MRPL54: variants seen among roughly 807,000 people sequenced by gnomAD.
The protein encoded by MRPL54 is large ribosomal subunit protein mL54.
In MRPL54, 12 loss-of-function variants were observed where a neutral mutation model predicts 15.6. That is an observed-to-expected ratio of 0.77 (90% CI 0.49 to 1.24). The LOEUF is 1.24. Ranked by LOEUF, MRPL54 falls within the 50% of genes most tolerant of loss-of-function variation. MRPL54 has a pLI of 0.00. For missense variants in MRPL54, 178 were observed against 186.8 expected (o/e 0.95, Z 0.28); for synonymous variants, 91 against 75.7 (o/e 1.20, Z -1.05).
intron 1 of MRPL54, among the ~76,000 whole-genome samples, chr19:3,764,347 A>T (rs952426074): frequency 4.6e-5 from 7 of 151,876 alleles, no homozygotes; most frequent in East Asian, 2.0e-4. Context: ...CCTCCCAAAG[A>T]GCTGGGATTA....
intron 1 of MRPL54, among the ~76,000 whole-genome samples, chr19:3,764,449 C>T (rs999547045): frequency 2.0e-5 from 3 of 149,464 alleles, no homozygotes; most frequent in African/African-American, 7.4e-5. Context: ...GCTCTGTAAC[C>T]TAGGCTGGAG....
intron 1 of MRPL54, 113 bp from the exon 2 acceptor site, chr19:3,765,053 G>A: frequency 9.5e-7 from 1 of 1,047,328 alleles, no homozygotes; most frequent in Non-Finnish European, 1.3e-6. Flanking sequence ...AAAGTTTTGA[G>A]TGTAGCAGAG....
chr19:3,765,700 C>T (rs530941178), intron 2 of MRPL54, among the ~76,000 whole-genome samples: 1 of 152,100 alleles, frequency 6.6e-6, no homozygotes, highest in East Asian at 1.9e-4. Flanking sequence ...GAGTTCGAGA[C>T]CAGCCTGGCC....
chr19:3,762,856 G>C, intron 1 of MRPL54, 38 bp downstream of exon 1: 2 of 1,459,392 alleles, frequency 1.4e-6, no homozygotes, highest in Non-Finnish European at 1.9e-6. Context: ...GGGACGGTGG[G>C]TGCACTGAGG....
chr19:3,766,681 G>A (rs1433118021), intron 2 of MRPL54, among the ~76,000 whole-genome samples: 1 of 152,232 alleles, frequency 6.6e-6, no homozygotes, highest in South Asian at 2.1e-4. Flanking sequence ...CAGGAAGGGG[G>A]CAGGAGAATG....
intron 2 of MRPL54, among the ~76,000 whole-genome samples, chr19:3,766,809 C>T (rs55927187): frequency 0.2 from 31,083 of 152,154 alleles, 3,274 homozygotes; most frequent in Admixed American, 0.23. Flanking sequence ...GCAAAGGCCC[C>T]GGGGCAGGAC....
At chr19:3,767,152 C>T in intron 2 of MRPL54, 109 bp from the exon 3 acceptor site, 1 of 1,400,218 alleles carries the variant, frequency 7.1e-7, no homozygotes, top group Non-Finnish European at 9.5e-7. Flanking sequence ...TGCAGCCAAC[C>T]AGTGGGCCTG....
At chr19:3,766,787 G>T (rs2037202156) in intron 2 of MRPL54, among the ~76,000 whole-genome samples, 1 of 152,212 alleles carries the variant, frequency 6.6e-6, no homozygotes, top group Non-Finnish European at 1.5e-5. Flanking sequence ...CCAGGCAGTG[G>T]GCACAGCCTG....
rs1223907947 is a variant in MRPL54 at position 3,767,504 on chromosome 19, C to T, written c.*111C>T. On this transcript the variant is annotated 3_prime_UTR_variant, in exon 3 of 3. Coordinates refer to ENST00000330133, the MANE Select transcript of MRPL54 (RefSeq NM_172251.3). The stretch of plus-strand genomic sequence containing the variant: ...CTCCCCAGCCTGGGTTTCCATGTGA[C>T]CCCACAGTGGGGCTGGACCAGGGCC... 2.7e-6 allele frequency: 4 copies of T among 1,454,662 alleles called. No individual in the cohort carries two copies. Among genetic ancestry groups the T allele is most frequent in the Admixed American group, 2.4e-5 (1 of 41,808 alleles). The allele number at this position is 1,454,662 out of a possible 1,614,324, so 90.1% of individuals were successfully genotyped here. A position where few individuals can be genotyped will look rare whatever the true frequency, so the allele number is the denominator to read the frequency against.
Position 3,767,373 on chromosome 19 carries a change from A to G in MRPL54, c.397A>G (p.Ser133Gly). ...GAACATCTGGCGCCACAACCGGCTG[A>G]GCAAGAACAAGAGGTTGTAGCATGG... Reference protein sequence around the residue: ...KQNIWRHNRLSKNKRL With the variant: ...KQNIWRHNRLGKNKRL The change falls in exon 3 of 3, where the codon AGC (serine) becomes GGC (glycine). Residue 133 changes from serine to glycine, a missense_variant. Transcript: ENST00000330133. 1.2e-6 allele frequency: 2 copies of G among 1,610,466 alleles called. No homozygotes were observed. The highest frequency in any genetic ancestry group is 8.5e-7 in the Non-Finnish European group (1 of 1,178,644).
intron 2 of MRPL54, among the ~76,000 whole-genome samples, chr19:3,765,914 A>T (rs2368925): frequency 8.2e-3 from 127 of 15,534 alleles, no homozygotes; most frequent in South Asian, 0.062. Flanking sequence ...AAAAAAAAAA[A>T]TTTTTTTTTT....
intron 2 of MRPL54, among the ~76,000 whole-genome samples, chr19:3,766,807 C>CAGG (rs2037202373): frequency 6.6e-6 from 1 of 152,130 alleles, no homozygotes; most frequent in Non-Finnish European, 1.5e-5. Context: ...GTGCAAAGGC[C>CAGG]CCGGGGCAGG....
In MRPL54 at chr19:3,765,160, C is replaced by A; in HGVS notation, c.119-6C>A. The A allele has an allele frequency of 6.2e-7, 1 of 1,608,016 alleles. No homozygotes were observed. The highest frequency in any genetic ancestry group is 1.1e-5 in the South Asian group (1 of 90,472). ...GCTGAAATGACTCTCCCTCTCGTCT[C>A]CCCAGTTATGAAGGGGGCCAAATCG... On this transcript the variant is annotated splice_region_variant and splice_polypyrimidine_tract_variant and intron_variant, in intron 1 of 2. Transcript: ENST00000330133.
chr19:3,763,282 A>T (rs1167091091), intron 1 of MRPL54, among the ~76,000 whole-genome samples: 1 of 152,238 alleles, frequency 6.6e-6, no homozygotes. Flanking sequence ...AAACAAGGTT[A>T]TTAAGGTTTA....
rs1259281148 is a variant in MRPL54 at position 3,767,250 on chromosome 19, AC to A, written c.285-6del. ...CCGTGTAGCTCTGATTCCTGCCCGC[AC>A]CCCCGTCAGGCTGTTCGAGATGAAC... On this transcript the variant is annotated splice_polypyrimidine_tract_variant and intron_variant, in intron 2 of 2. Coordinates refer to ENST00000330133, the MANE Select transcript of MRPL54 (RefSeq NM_172251.3). 1.6e-5 allele frequency: 26 copies of A among 1,607,692 alleles called. No individual in the cohort carries two copies. Among genetic ancestry groups the A allele is most frequent in the African/African-American group, 2.7e-5 (2 of 74,400 alleles).
chr19:3,767,197 C>T, intron 2 of MRPL54, 64 bp from the exon 3 acceptor site: 1 of 1,550,930 alleles, frequency 6.4e-7, no homozygotes, highest in Non-Finnish European at 8.6e-7. Context: ...GCCCGAGGTG[C>T]CCGGGACACC....
At chr19:3,766,481 T>G (rs905929020) in intron 2 of MRPL54, among the ~76,000 whole-genome samples, 1 of 152,222 alleles carries the variant, frequency 6.6e-6, no homozygotes, top group Non-Finnish European at 1.5e-5. Context: ...CCCAAAGTGC[T>G]GGGAGTACAG....
chr19:3,766,531 CACTG>C (rs1206319032), intron 2 of MRPL54, among the ~76,000 whole-genome samples: 1 of 152,226 alleles, frequency 6.6e-6, no homozygotes, highest in Admixed American at 6.5e-5. Flanking sequence ...ACTTATTGAC[CACTG>C]ACTGCATGCC....
chr19:3,763,363 G>A (rs182585184), intron 1 of MRPL54, among the ~76,000 whole-genome samples: 1 of 152,338 alleles, frequency 6.6e-6, no homozygotes, highest in East Asian at 1.9e-4. Flanking sequence ...CTTAAAGACA[G>A]ACACATAGCA....
Sources: gnomAD v4.1 joint callset for allele counts (sites outside exome capture counted in the v4.1 genomes callset) on GRCh38, gnomAD v4.1.1 for gene constraint, MANE v1.5 for transcripts, NCBI Gene and HGNC (gene_info 2026-07-23, HGNC 2026-07-21) for gene names.